The following CEP83 variants were observed in gnomAD, a reference collection of about 807,000 sequenced individuals.
CEP83 encodes centrosomal protein 83.
In CEP83, 70 loss-of-function variants were observed where a neutral mutation model predicts 101.9. The ratio of observed to expected loss-of-function variants is 0.69; its 90% CI spans 0.57 to 0.84. CEP83 has a LOEUF of 0.84. Among genes scored for constraint, CEP83 ranks in the 40% least tolerant of loss-of-function variants. The probability of loss-of-function intolerance (pLI) is 0.00; values close to 1 mark genes in which losing one functional copy is unlikely to be tolerated. For missense variants in CEP83, 715 were observed against 787.2 expected (o/e 0.91, Z 1.10); for synonymous variants, 264 against 267.9 (o/e 0.99, Z 0.14).
intron 2 of CEP83, among the ~76,000 whole-genome samples, chr12:94,413,397 G>A (rs1301285232): frequency 6.6e-6 from 1 of 152,140 alleles, no homozygotes; most frequent in African/African-American, 2.4e-5. Flanking sequence ...AGCTACCACA[G>A]TAAGCTTCAA....
At chr12:94,356,309 C>A (rs2060472267) in intron 11 of CEP83, among the ~76,000 whole-genome samples, 1 of 152,150 alleles carries the variant, frequency 6.6e-6, no homozygotes, top group Non-Finnish European at 1.5e-5. Context: ...AGTGAAGTAA[C>A]AGAAGAGGTT....
Position 94,406,476 on chromosome 12 carries a change from A to T in CEP83, c.325-3214T>A, listed in dbSNP as rs573584002. Reference sequence around the variant, plus strand: ...GAGAGAGAGAGAGAGAGTGAGAGTGAGTGTGTGTGTGTGTGGTGGGGGCAG... The same window carrying T: ...GAGAGAGAGAGAGAGAGTGAGAGTGTGTGTGTGTGTGTGTGGTGGGGGCAG... On this transcript the variant is annotated intron_variant, in intron 4 of 16. Coordinates refer to ENST00000397809, the MANE Select transcript of CEP83 (RefSeq NM_016122.3). 1.6e-4 allele frequency among the ~76,000 whole-genome samples: 24 copies of T among 150,598 alleles called. No homozygotes were observed. The South Asian group carries it at 4.6e-3, about 29-fold the overall frequency.
intron 14 of CEP83, among the ~76,000 whole-genome samples, chr12:94,320,154 G>A (rs567848216): frequency 6.6e-6 from 1 of 152,258 alleles, no homozygotes; most frequent in Admixed American, 6.5e-5. Context: ...TCTGAAACTA[G>A]GATTGCAACC....
intron 14 of CEP83, among the ~76,000 whole-genome samples, chr12:94,316,049 AT>A (rs1179939201): frequency 1.3e-5 from 2 of 152,092 alleles, no homozygotes; most frequent in Non-Finnish European, 2.9e-5. Context: ...ACCTGCTGAG[AT>A]TTTGATTAGA....
At chr12:94,306,030 C>G (rs1039070492), downstream of CEP83, 2 of 152,080 alleles carry the variant, frequency 1.3e-5, no homozygotes, top group African/African-American at 4.8e-5. Flanking sequence ...TCCTTTTCTT[C>G]ATCTGTTTTT....
At chr12:94,409,073 C>T (rs767153785) in intron 4 of CEP83, among the ~76,000 whole-genome samples, 23 of 151,630 alleles carry the variant, frequency 1.5e-4, no homozygotes, top group Non-Finnish European at 2.8e-4. Context: ...AGATAATGCA[C>T]GTATATTTTA....
intron 11 of CEP83, among the ~76,000 whole-genome samples, chr12:94,359,705 T>A (rs920025611): frequency 6.6e-6 from 1 of 152,058 alleles, no homozygotes; most frequent in Non-Finnish European, 1.5e-5. Context: ...ACCAAACTTT[T>A]AAAAAAGAAC....
the CEP83 span, among the ~76,000 whole-genome samples, chr12:94,284,087 G>GAA: frequency 1.1e-3 from 90 of 82,650 alleles, no homozygotes; most frequent in Middle Eastern, 0.015. Context: ...CATGTCAGGG[G>GAA]AAAAAAAAAA....
At chr12:94,285,841 T>C in the CEP83 span, among the ~76,000 whole-genome samples, 98 of 152,290 alleles carry the variant, frequency 6.4e-4, 1 homozygote, top group South Asian at 0.015. Context: ...GGCCCTCCTC[T>C]GGTGCTGTTG....
At chr12:94,373,989 A>G (rs2061414341) in intron 8 of CEP83, among the ~76,000 whole-genome samples, 1 of 152,354 alleles carries the variant, frequency 6.6e-6, no homozygotes, top group African/African-American at 2.4e-5. Flanking sequence ...ATGGTATTTA[A>G]TACTCCATTT....
rs537678561 is a variant in CEP83, at chr12:94,326,310, T to C, written c.1707+5390A>G. Reference sequence around the variant, plus strand: ...ATCCTTTACAATAAACTGGTAAATATAGTGTTTTCCTGAATTTTGTGAGCC... The same window carrying C: ...ATCCTTTACAATAAACTGGTAAATACAGTGTTTTCCTGAATTTTGTGAGCC... On this transcript the variant is annotated intron_variant, in intron 14 of 16. Coordinates refer to ENST00000397809, the MANE Select transcript of CEP83 (RefSeq NM_016122.3). 2.6e-5 allele frequency among the ~76,000 whole-genome samples: 4 copies of C among 152,310 alleles called. No homozygotes were observed. The East Asian group carries it at 5.8e-4, about 22-fold the overall frequency.
chr12:94,282,527 G>A, the CEP83 span: 1 of 659,806 alleles, frequency 1.5e-6, no homozygotes, highest in African/African-American at 1.8e-5. Flanking sequence ...TCGTGTCTGG[G>A]GCTGAAGTTT....
the CEP83 span, chr12:94,278,076 G>T: frequency 4.4e-6 from 2 of 455,794 alleles, no homozygotes; most frequent in Admixed American, 4.7e-5. Context: ...CTCTGTCTCT[G>T]TATGGGCGAG....
intron 1 of CEP83, among the ~76,000 whole-genome samples, chr12:94,439,958 C>T (rs976879441): frequency 2.0e-5 from 3 of 152,026 alleles, no homozygotes; most frequent in African/African-American, 4.8e-5. Context: ...TCTCAACAGA[C>T]GCAGAAAAAG....
intron 2 of CEP83, among the ~76,000 whole-genome samples, chr12:94,419,500 C>T (rs79360427): frequency 0.057 from 8,619 of 151,892 alleles, 271 homozygotes; most frequent in Non-Finnish European, 0.072. Flanking sequence ...ACTTAACATG[C>T]TGATTCAAAA....
In CEP83 at chr12:94,440,472, T is replaced by C. The variant is rs865924419; in HGVS notation, c.-154-5145A>G. Among the ~76,000 whole-genome samples the C allele has an allele frequency of 1.5e-4, 23 of 149,892 alleles. 1 individual carries two copies. Among genetic ancestry groups the C allele is most frequent in the Middle Eastern group, 6.8e-3 (2 of 292 alleles). On this transcript the variant is annotated intron_variant, in intron 1 of 16. Transcript: ENST00000397809. ...AAATAAAATAAAATACTTAGGAATA[T>C]ACCTAACCAAGGAGGCGAAAAGACC...
intron 1 of CEP83, among the ~76,000 whole-genome samples, chr12:94,457,932 C>T (rs2067806469): frequency 6.6e-6 from 1 of 152,200 alleles, no homozygotes; most frequent in Non-Finnish European, 1.5e-5. Context: ...CACGCTGGCT[C>T]ACACCTGTAA....
chr12:94,307,114 G>A (rs1159111914), downstream of CEP83: 3 of 152,200 alleles, frequency 2.0e-5, no homozygotes, highest in Non-Finnish European at 4.4e-5. Flanking sequence ...TTTACTAAAT[G>A]CTACATGAGG....
intron 11 of CEP83, among the ~76,000 whole-genome samples, chr12:94,336,711 T>C (rs555641730): frequency 4.6e-5 from 7 of 152,276 alleles, no homozygotes; most frequent in African/African-American, 1.7e-4. Flanking sequence ...TTCCTTTTGC[T>C]CCACCGTCAG....
Sources: gnomAD v4.1 joint callset for allele counts (sites outside exome capture counted in the v4.1 genomes callset) on GRCh38, gnomAD v4.1.1 for gene constraint, MANE v1.5 for transcripts, NCBI Gene and HGNC (gene_info 2026-07-23, HGNC 2026-07-21) for gene names.